UTP4: variants seen among roughly 807,000 people sequenced by gnomAD.
The protein encoded by UTP4 is UTP4 small subunit processome component, also known as U3 small nucleolar RNA-associated protein 4 homolog.
Under a neutral mutation model 82.4 loss-of-function variants are expected in UTP4, and 45 were observed. The ratio of observed to expected loss-of-function variants is 0.55; its 90% CI spans 0.43 to 0.70. The LOEUF (loss-of-function observed/expected upper bound fraction) is 0.70. UTP4 is among the 30% of genes least tolerant of loss of function. The pLI, the probability that UTP4 is intolerant of heterozygous loss-of-function variation, is 0.00. For synonymous variants in UTP4, 348 were observed against 300.3 expected (o/e 1.16, Z -1.64); for missense variants, 819 against 858.3 (o/e 0.95, Z 0.57).
rs1281298357 is a variant in UTP4, at chr16:69,163,157, C to A, written c.1626C>A (p.Val542=). Residue 542 remains valine, a synonymous_variant, in exon 14 of 17, where the codon GTC becomes GTA. Transcript: ENST00000314423. ...MAIAPNTNNL[V]IAHSDQQVFE... is the part of the protein sequence containing the mutation. ...TTGCCCCCAATACCAACAACCTTGTCATCGCTCATTCGGACCAGCAGGTAA... is the reference window on the plus strand; with the variant it reads ...TTGCCCCCAATACCAACAACCTTGTAATCGCTCATTCGGACCAGCAGGTAA... The A allele has an allele frequency of 6.2e-7, 1 of 1,613,782 alleles. No individual in the cohort carries two copies. Among genetic ancestry groups the A allele is most frequent in the South Asian group, 1.1e-5 (1 of 91,070 alleles).
chr16:69,163,030 C>T, intron 13 of UTP4, 53 bp from the exon 14 acceptor site: 1 of 1,341,168 alleles, frequency 7.5e-7, no homozygotes, highest in Non-Finnish European at 1.1e-6. Context: ...TCAATCTTTG[C>T]TGAGGAAAAG....
chr16:69,147,797 C>T (rs1963157506), intron 6 of UTP4, among the ~76,000 whole-genome samples: 1 of 152,154 alleles, frequency 6.6e-6, no homozygotes, highest in Non-Finnish European at 1.5e-5. Context: ...GACTGTGATC[C>T]AGCAGATGAG....
chr16:69,151,483 G>A (rs529486360), intron 8 of UTP4, among the ~76,000 whole-genome samples: 467 of 151,724 alleles, frequency 3.1e-3, no homozygotes, highest in Middle Eastern at 6.8e-3. Flanking sequence ...CACCACGCCC[G>A]GCTAATTTTT....
Position 69,168,801 on chromosome 16 carries a change from T to A in UTP4, c.1945-20T>A, listed in dbSNP as rs371187976. On this transcript the variant is annotated intron_variant, in intron 16 of 16. Coordinates refer to ENST00000314423, the MANE Select transcript of UTP4 (RefSeq NM_032830.3). ...CCCTGGATCCTAAGTCCTGATAGAA[T>A]AATTATCATCCCTCTGCAGCCTCTA... The A allele has an allele frequency of 3.1e-5, 46 of 1,477,368 alleles. No individual in the cohort carries two copies. Among genetic ancestry groups the A allele is most frequent in the Non-Finnish European group, 4.0e-5 (42 of 1,055,184 alleles). 91.5% of individuals were successfully genotyped at this position (1,477,368 alleles called of 1,614,324 possible). A position where few individuals can be genotyped will look rare whatever the true frequency, so the allele number is the denominator to read the frequency against.
At chr16:69,158,943 A>G (rs1334950013) in intron 12 of UTP4, among the ~76,000 whole-genome samples, 1 of 152,216 alleles carries the variant, frequency 6.6e-6, no homozygotes, top group Non-Finnish European at 1.5e-5. Context: ...TCTCTAGATG[A>G]CAAAGATGGC....
chr16:69,152,156 C>T (rs964121372), intron 8 of UTP4, among the ~76,000 whole-genome samples: 6 of 151,866 alleles, frequency 4.0e-5, no homozygotes, highest in Non-Finnish European at 5.9e-5. Flanking sequence ...TCTTTGTCTA[C>T]GCTGGCATCA....
intron 6 of UTP4, among the ~76,000 whole-genome samples, chr16:69,145,195 A>G (rs1242873704): frequency 1.1e-4 from 16 of 152,138 alleles, no homozygotes; most frequent in Admixed American, 9.8e-4. Flanking sequence ...GAAAGAGAAT[A>G]CAGAGTAAAG....
intron 6 of UTP4, among the ~76,000 whole-genome samples, chr16:69,143,899 T>C (rs920772317): frequency 2.0e-5 from 3 of 151,748 alleles, no homozygotes; most frequent in Non-Finnish European, 4.4e-5. Flanking sequence ...TTTTTTTTCT[T>C]TTTTTGAGAT....
intron 2 of UTP4, among the ~76,000 whole-genome samples, chr16:69,135,215 A>T (rs1962781282): frequency 6.6e-6 from 1 of 152,102 alleles, no homozygotes; most frequent in Admixed American, 6.5e-5. Flanking sequence ...CTACAAAGCC[A>T]CTGCTTAATG....
intron 4 of UTP4, chr16:69,138,114 A>G (rs552529487): frequency 4.6e-5 from 25 of 540,122 alleles, no homozygotes; most frequent in African/African-American, 3.0e-4. Flanking sequence ...CCAAAATTGG[A>G]AAGCTAGTGT....
At chr16:69,133,158 T>G in intron 1 of UTP4, 1 of 407,814 alleles carries the variant, frequency 2.5e-6, no homozygotes, top group Non-Finnish European at 4.6e-6. Flanking sequence ...AGCAATAGAG[T>G]TGAGGAGAGA....
intron 13 of UTP4, among the ~76,000 whole-genome samples, chr16:69,162,201 T>G (rs1018205568): frequency 6.7e-6 from 1 of 149,752 alleles, no homozygotes; most frequent in Admixed American, 6.7e-5. Flanking sequence ...ACTCCTGACC[T>G]CGTGATCCGC....
intron 15 of UTP4, 81 bp from the exon 16 acceptor site, chr16:69,166,994 G>T: frequency 1.1e-6 from 1 of 920,506 alleles, no homozygotes. Context: ...ATGATGTTGG[G>T]CTCAAAATGC....
At chr16:69,153,319 A>G (rs935975069) in intron 8 of UTP4, among the ~76,000 whole-genome samples, 13 of 152,100 alleles carry the variant, frequency 8.5e-5, no homozygotes, top group Admixed American at 5.9e-4. Flanking sequence ...CCGTGTTAAA[A>G]TTCTTGGCAC....
intron 3 of UTP4, among the ~76,000 whole-genome samples, chr16:69,137,588 T>C (rs559198936): frequency 7.9e-5 from 12 of 152,348 alleles, no homozygotes; most frequent in African/African-American, 2.9e-4. Flanking sequence ...GTCTGTTTTC[T>C]GTCTAGGATA....
intron 6 of UTP4, among the ~76,000 whole-genome samples, chr16:69,148,723 C>T (rs1327467590): frequency 6.6e-6 from 1 of 151,828 alleles, no homozygotes; most frequent in African/African-American, 2.4e-5. Context: ...GCAATCCTAC[C>T]TCAGCCTCCC....
chr16:69,139,979 A>G, intron 5 of UTP4, 65 bp downstream of exon 5: 2 of 1,175,608 alleles, frequency 1.7e-6, no homozygotes, highest in Non-Finnish European at 2.6e-6. Context: ...TGAGTTTTCA[A>G]AAGCTTGAGC....
At chr16:69,146,623 G>T (rs1224613345) in intron 6 of UTP4, among the ~76,000 whole-genome samples, 2 of 152,198 alleles carry the variant, frequency 1.3e-5, no homozygotes, top group South Asian at 2.1e-4. Context: ...CACTTTGGGA[G>T]ACCAAGGCGG....
chr16:69,156,023 A>G (rs1232650839), intron 11 of UTP4, 30 bp downstream of exon 11: 1 of 1,611,354 alleles, frequency 6.2e-7, no homozygotes, highest in Admixed American at 1.7e-5. Context: ...CTGGTCACAT[A>G]AGAGGAAACT....
Sources: allele counts gnomAD v4.1 joint callset (sites outside exome capture counted in the v4.1 genomes callset), GRCh38; gene constraint gnomAD v4.1.1; transcripts MANE v1.5; gene names NCBI Gene and HGNC (gene_info 2026-07-23, HGNC 2026-07-21).